The following MYO1E variants were observed in gnomAD, a reference collection of about 807,000 sequenced individuals.
MYO1E encodes the protein myosin IE.
Under a neutral mutation model 151.1 loss-of-function variants are expected in MYO1E, and 68 were observed. The observed-to-expected ratio is 0.45, with a 90% CI of 0.37 to 0.55. The LOEUF (loss-of-function observed/expected upper bound fraction) is 0.55, where lower values mean the gene tolerates loss of function less well. Among genes scored for constraint, MYO1E ranks in the 20% least tolerant of loss-of-function variants. The pLI, the probability that MYO1E is intolerant of heterozygous loss-of-function variation, is 0.00. For synonymous variants in MYO1E, 601 were observed against 501.7 expected, an observed-to-expected ratio of 1.20 and a Z score of -2.64; for missense variants, 1,363 against 1,389.3, an observed-to-expected ratio of 0.98 and a Z score of 0.30.
chr15:59,139,618 G>T (rs567322902), intron 26 of MYO1E, among the ~76,000 whole-genome samples: 7 of 138,178 alleles, frequency 5.1e-5, no homozygotes, highest in Non-Finnish European at 7.7e-5. Context: ...CTCTGCAGAC[G>T]GCCCTCCTAC....
chr15:59,337,791 C>T (rs2080738365), intron 1 of MYO1E, among the ~76,000 whole-genome samples: 1 of 152,054 alleles, frequency 6.6e-6, no homozygotes, highest in South Asian at 2.1e-4. Flanking sequence ...GGGATCGTGC[C>T]ACTGCACTCC....
intron 5 of MYO1E, among the ~76,000 whole-genome samples, chr15:59,233,556 C>T (rs1382344533): frequency 1.3e-5 from 2 of 148,358 alleles, no homozygotes; most frequent in African/African-American, 2.5e-5. Context: ...CCCAGCTACT[C>T]GGGAGGCTGA....
At chr15:59,357,205 C>G (rs566760807) in intron 1 of MYO1E, among the ~76,000 whole-genome samples, 1 of 151,932 alleles carries the variant, frequency 6.6e-6, no homozygotes, top group Admixed American at 6.6e-5. Context: ...CGTGCCTGGT[C>G]CTCTCATTAA....
intron 1 of MYO1E, among the ~76,000 whole-genome samples, chr15:59,352,746 T>C (rs1020439013): frequency 6.6e-6 from 1 of 152,220 alleles, no homozygotes; most frequent in South Asian, 2.1e-4. Flanking sequence ...TTCAACAGTG[T>C]GTTAAACTGT....
Position 59,236,369 on chromosome 15 carries a change from T to TACACACACAC in MYO1E, c.420+206_420+215dup, listed in dbSNP as rs56164138. ...TCAAAAAAGAAAAAAAAAAAATATATACACACACACACACACACACACACA... is the reference window on the plus strand; with the variant it reads ...TCAAAAAAGAAAAAAAAAAAATATATACACACACACACACACACACACACACACACACACA... On this transcript the variant is annotated intron_variant, in intron 5 of 27. Coordinates refer to ENST00000288235, the MANE Select transcript of MYO1E (RefSeq NM_004998.4). Among the ~76,000 whole-genome samples, 4 of 117,736 alleles carry TACACACACAC rather than the reference T, an allele frequency of 3.4e-5. 1 individual carries two copies. The highest frequency in any genetic ancestry group is 6.5e-5 in the African/African-American group (2 of 30,908). 77.2% of individuals were successfully genotyped at this position (117,736 alleles called of 152,430 possible). A position where few individuals can be genotyped will look rare whatever the true frequency, so the allele number is the denominator to read the frequency against.
chr15:59,275,410 G>T (rs762322112), intron 1 of MYO1E, among the ~76,000 whole-genome samples: 1 of 151,008 alleles, frequency 6.6e-6, no homozygotes, highest in African/African-American at 2.4e-5. Context: ...TCTCTCTTCC[G>T]CCCTCCCTCC....
At chr15:59,299,194 G>C (rs1471870061) in intron 1 of MYO1E, among the ~76,000 whole-genome samples, 1 of 152,162 alleles carries the variant, frequency 6.6e-6, no homozygotes, top group Non-Finnish European at 1.5e-5. Context: ...CACATCACTG[G>C]AAAAACACAG....
At chr15:59,244,972 C>T (rs978295869) in intron 4 of MYO1E, among the ~76,000 whole-genome samples, 3 of 152,200 alleles carry the variant, frequency 2.0e-5, no homozygotes, top group East Asian at 3.8e-4. Flanking sequence ...GCTTGGGGAA[C>T]AGGGTCAATC....
At chr15:59,363,276 C>T (rs1274858871) in intron 1 of MYO1E, among the ~76,000 whole-genome samples, 1 of 152,194 alleles carries the variant, frequency 6.6e-6, no homozygotes, top group Non-Finnish European at 1.5e-5. Flanking sequence ...CATGCCCGGC[C>T]AGTATTACTT....
chr15:59,325,439 G>A (rs1372731919), intron 1 of MYO1E, among the ~76,000 whole-genome samples: 1 of 152,140 alleles, frequency 6.6e-6, no homozygotes, highest in Non-Finnish European at 1.5e-5. Context: ...CGTGCACAAT[G>A]AGTCCCAGTC....
intron 4 of MYO1E, among the ~76,000 whole-genome samples, chr15:59,248,562 G>C (rs2080145118): frequency 6.6e-6 from 1 of 151,756 alleles, no homozygotes; most frequent in Non-Finnish European, 1.5e-5. Flanking sequence ...GTGGGCTGAG[G>C]AGGAAGGCAT....
At chr15:59,160,583 C>T (rs2079532736) in intron 24 of MYO1E, among the ~76,000 whole-genome samples, 1 of 151,756 alleles carries the variant, frequency 6.6e-6, no homozygotes, top group Non-Finnish European at 1.5e-5. Context: ...CTAATTTTTA[C>T]ATTTTTATTT....
At chr15:59,248,292 T>C (rs2080142828) in intron 4 of MYO1E, among the ~76,000 whole-genome samples, 1 of 151,482 alleles carries the variant, frequency 6.6e-6, no homozygotes, top group Non-Finnish European at 1.5e-5. Context: ...ATAACCAGCC[T>C]GGCCAACATG....
intron 18 of MYO1E, among the ~76,000 whole-genome samples, chr15:59,186,647 G>C (rs868671935): frequency 1.3e-5 from 2 of 152,196 alleles, no homozygotes; most frequent in African/African-American, 4.8e-5. Flanking sequence ...GCTACTTGCA[G>C]ACTGAGGTGG....
chr15:59,331,899 T>C (rs1457614870), intron 1 of MYO1E, among the ~76,000 whole-genome samples: 2 of 152,150 alleles, frequency 1.3e-5, no homozygotes, highest in Non-Finnish European at 2.9e-5. Flanking sequence ...TCTTTTATTA[T>C]TGCAGGGCAA....
At chr15:59,357,955 G>A (rs1332378077) in intron 1 of MYO1E, among the ~76,000 whole-genome samples, 1 of 152,134 alleles carries the variant, frequency 6.6e-6, no homozygotes, top group Non-Finnish European at 1.5e-5. Flanking sequence ...CACTGCAGAG[G>A]TGGAATCACA....
At chr15:59,310,171 G>A (rs12904735) in intron 1 of MYO1E, among the ~76,000 whole-genome samples, 3 of 152,002 alleles carry the variant, frequency 2.0e-5, no homozygotes, top group African/African-American at 4.8e-5. Flanking sequence ...GCTTCCTAGC[G>A]CTCACGAAGA....
At chr15:59,233,404 G>A (rs7176493) in intron 5 of MYO1E, among the ~76,000 whole-genome samples, 1,816 of 152,134 alleles carry the variant, frequency 0.012, 42 homozygotes, top group African/African-American at 0.041. Flanking sequence ...GGTGGCTCAC[G>A]CCTGTAATCC....
chr15:59,292,760 C>T (rs923597070), intron 1 of MYO1E, among the ~76,000 whole-genome samples: 16 of 152,184 alleles, frequency 1.1e-4, no homozygotes, highest in Non-Finnish European at 4.4e-5. Context: ...GCGAAATGAG[C>T]GTGGGTCTAC....
Sources: gnomAD v4.1 joint callset for allele counts (sites outside exome capture counted in the v4.1 genomes callset) on GRCh38, gnomAD v4.1.1 for gene constraint, MANE v1.5 for transcripts, NCBI Gene and HGNC (gene_info 2026-07-23, HGNC 2026-07-21) for gene names.